Variants in CD99 observed in about 807,000 individuals in gnomAD.
CD99 encodes CD99 antigen.
In CD99, 19 loss-of-function variants were observed where a neutral mutation model predicts 28.4. That is an observed-to-expected ratio of 0.67 (90% confidence interval 0.47 to 0.98). The LOEUF is 0.98. CD99 is among the 50% of genes least tolerant of loss of function. The probability of loss-of-function intolerance (pLI) is 0.00; values close to 1 mark genes in which losing one functional copy is unlikely to be tolerated. For synonymous variants in CD99, 103 were observed against 92.1 expected (o/e 1.12, Z -0.67); for missense variants, 283 against 248.8 (o/e 1.14, Z -0.92).
At chrX:2,714,873 T>C in intron 2 of CD99, 1 of 161,772 alleles carries the variant, frequency 6.2e-6, no homozygotes. Flanking sequence ...CCTGCCTTAT[T>C]ATAAAAACTA....
chrX:2,727,132 G>C (rs774893829), intron 8 of CD99, among the ~76,000 whole-genome samples: 1 of 152,122 alleles, frequency 6.6e-6, no homozygotes, highest in Non-Finnish European at 1.5e-5. Context: ...GTGAGACTCC[G>C]TCTCAAAAAA....
At chrX:2,723,015 T>A (rs187513068) in intron 6 of CD99, among the ~76,000 whole-genome samples, 150 of 152,306 alleles carry the variant, frequency 9.8e-4, no homozygotes, top group Admixed American at 2.2e-3. Context: ...TCAGCTTCAT[T>A]TTATTAGGCT....
intron 8 of CD99, among the ~76,000 whole-genome samples, chrX:2,730,316 G>A (rs1207662824): frequency 5.9e-5 from 9 of 151,794 alleles, no homozygotes; most frequent in Admixed American, 3.9e-4. Context: ...GGGACTACAG[G>A]CGCGTGCCAC....
intron 7 of CD99, 107 bp downstream of exon 7, chrX:2,723,471 C>T: frequency 7.7e-7 from 1 of 1,301,492 alleles, no homozygotes; most frequent in Non-Finnish European, 1.1e-6. Context: ...CCTCCTAAAG[C>T]TACTGGCAGG....
intron 8 of CD99, chrX:2,733,255 A>G: frequency 8.0e-7 from 1 of 1,244,008 alleles, no homozygotes; most frequent in Non-Finnish European, 1.2e-6. Flanking sequence ...TCTTTCTAAC[A>G]CCTCCCTGCT....
At chrX:2,718,365 C>T (rs1271512789) in intron 3 of CD99, among the ~76,000 whole-genome samples, 1 of 149,546 alleles carries the variant, frequency 6.7e-6, no homozygotes, top group Admixed American at 6.7e-5. Context: ...GCTGTTCTTT[C>T]TTTCTTTTTT....
chrX:2,691,848 G>A (rs758002493), intron 1 of CD99: 2 of 778,058 alleles, frequency 2.6e-6, no homozygotes, highest in South Asian at 2.7e-5. Flanking sequence ...GCCTGTCACA[G>A]CCACGCCCTG....
chrX:2,705,166 G>T, intron 1 of CD99, among the ~76,000 whole-genome samples: 1 of 152,354 alleles, frequency 6.6e-6, no homozygotes, highest in African/African-American at 2.4e-5. Context: ...GCTTTCCATG[G>T]GGTGAACAGA....
chrX:2,739,418 G>A (rs1317611991), intron 9 of CD99, among the ~76,000 whole-genome samples: 1 of 152,028 alleles, frequency 6.6e-6, no homozygotes, highest in Non-Finnish European at 1.5e-5. Context: ...GTCAAATTGA[G>A]AGGGATTTTT....
chrX:2,739,899 A>C (rs2050118631), intron 9 of CD99, among the ~76,000 whole-genome samples: 1 of 147,740 alleles, frequency 6.8e-6, no homozygotes, highest in Admixed American at 6.7e-5. Context: ...AACATGGAGA[A>C]ACCACGTCTC....
intron 1 of CD99, among the ~76,000 whole-genome samples, chrX:2,709,730 G>A (rs28490519): frequency 0.01 from 1,011 of 98,308 alleles, 9 homozygotes; most frequent in African/African-American, 0.032. Context: ...ACATAGACAC[G>A]CACATGCATG....
intron 1 of CD99, among the ~76,000 whole-genome samples, chrX:2,694,044 G>A (rs1349823879): frequency 1.3e-5 from 2 of 152,186 alleles, no homozygotes; most frequent in East Asian, 1.9e-4. Context: ...GCATGTATGC[G>A]CTGATTCAGG....
chrX:2,693,380 AACAGGGGCCAACCTATC>A (rs2047424940), intron 1 of CD99, among the ~76,000 whole-genome samples: 2 of 152,024 alleles, frequency 1.3e-5, no homozygotes, highest in African/African-American at 4.8e-5. Context: ...ATAGGGGCAT[AACAGGGGCCAACCTATC>A]CTTCCAATTG....
chrX:2,710,808 C>G (rs766386183), intron 1 of CD99, among the ~76,000 whole-genome samples: 1 of 149,000 alleles, frequency 6.7e-6, no homozygotes, highest in Non-Finnish European at 1.5e-5. Context: ...GAAACAGTTA[C>G]GAATTGATCT....
chrX:2,701,850 G>A (rs193109320), intron 1 of CD99, among the ~76,000 whole-genome samples: 6 of 152,352 alleles, frequency 3.9e-5, no homozygotes, highest in Admixed American at 3.3e-4. Flanking sequence ...ATAAGTCAGT[G>A]GAGATAGAAG....
At chrX:2,722,025 G>A (rs1301707810) in intron 5 of CD99, among the ~76,000 whole-genome samples, 1 of 151,764 alleles carries the variant, frequency 6.6e-6, no homozygotes, top group African/African-American at 2.4e-5. Context: ...AAATGTCCCT[G>A]TCTTCACACC....
intron 1 of CD99, among the ~76,000 whole-genome samples, chrX:2,709,708 A>G (rs192840539): frequency 0.014 from 2,161 of 152,248 alleles, 46 homozygotes; most frequent in African/African-American, 0.049. Flanking sequence ...ACATAGACAC[A>G]CACATGCATG....
chrX:2,737,611 C>T (rs1241110107), intron 8 of CD99, among the ~76,000 whole-genome samples: 1 of 151,984 alleles, frequency 6.6e-6, no homozygotes, highest in Non-Finnish European at 1.5e-5. Flanking sequence ...CCTCCTGCCT[C>T]AGCCTCCCGA....
At chrX:2,716,871 G>A (rs1378535692) in intron 2 of CD99, among the ~76,000 whole-genome samples, 2 of 152,206 alleles carry the variant, frequency 1.3e-5, no homozygotes, top group Admixed American at 6.5e-5. Context: ...CCTAGGCAGA[G>A]GCCTGACGGG....
Sources: gnomAD v4.1 joint callset for allele counts (sites outside exome capture counted in the v4.1 genomes callset) on GRCh38, gnomAD v4.1.1 for gene constraint, MANE v1.5 for transcripts, NCBI Gene and HGNC (gene_info 2026-07-23, HGNC 2026-07-21) for gene names.